PALS2: variants seen among roughly 807,000 people sequenced by gnomAD.
PALS2 encodes the protein protein associated with LIN7 2, MAGUK p55 family member, also known as protein PALS2.
A neutral mutation model predicts 61.6 loss-of-function variants in PALS2; 27 were observed. That is an observed-to-expected ratio of 0.44 (90% CI 0.32 to 0.60). The LOEUF (loss-of-function observed/expected upper bound fraction) is 0.60. Ranked by LOEUF, PALS2 falls within the 20% of genes least tolerant of loss-of-function variation. The pLI is 0.05. For missense variants in PALS2, 554 were observed against 639.4 expected, an observed-to-expected ratio of 0.87 and a Z score of 1.44; for synonymous variants, 236 against 218.6, an observed-to-expected ratio of 1.08 and a Z score of -0.70.
chr7:24,579,264 A>T (rs760376993), intron 1 of PALS2, among the ~76,000 whole-genome samples: 1 of 152,244 alleles, frequency 6.6e-6, no homozygotes, highest in Non-Finnish European at 1.5e-5. Flanking sequence ...ATGTTTGATA[A>T]TACTTTTGAA....
chr7:24,624,294 A>G (rs560939060), intron 2 of PALS2: 7 of 288,698 alleles, frequency 2.4e-5, no homozygotes, highest in African/African-American at 1.6e-4. Context: ...CTTTACAACC[A>G]TTTTTATTAA....
chr7:24,627,363 G>C (rs974176966), intron 2 of PALS2, among the ~76,000 whole-genome samples: 1 of 152,198 alleles, frequency 6.6e-6, no homozygotes, highest in Non-Finnish European at 1.5e-5. Flanking sequence ...AGCTAAAGCA[G>C]TGTTTAGAGG....
At chr7:24,662,304 T>C (rs920796688) in intron 5 of PALS2, among the ~76,000 whole-genome samples, 1 of 152,220 alleles carries the variant, frequency 6.6e-6, no homozygotes, top group African/African-American at 2.4e-5. Context: ...ACTTGTGTTA[T>C]TTGAATTTTG....
intron 1 of PALS2, among the ~76,000 whole-genome samples, chr7:24,576,563 T>C (rs1042169607): frequency 3.8e-4 from 58 of 152,212 alleles, no homozygotes; most frequent in African/African-American, 1.4e-3. Context: ...CAGTCTACTG[T>C]TAAGTGGTCT....
intron 1 of PALS2, among the ~76,000 whole-genome samples, chr7:24,615,870 G>T (rs1784277671): frequency 6.6e-6 from 1 of 151,972 alleles, no homozygotes; most frequent in East Asian, 1.9e-4. Flanking sequence ...ATGATCAAGT[G>T]GGATTACAGG....
intron 9 of PALS2, among the ~76,000 whole-genome samples, chr7:24,671,087 T>A (rs577252663): frequency 7.9e-5 from 12 of 152,222 alleles, no homozygotes; most frequent in Non-Finnish European, 1.6e-4. Flanking sequence ...GTTTAGCCTT[T>A]AGAAGAACTT....
intron 1 of PALS2, among the ~76,000 whole-genome samples, chr7:24,609,305 C>T (rs1260570303): frequency 2.0e-5 from 3 of 152,168 alleles, no homozygotes; most frequent in African/African-American, 7.2e-5. Flanking sequence ...TGGTCAGGCA[C>T]TGAGTAAGTG....
intron 2 of PALS2, among the ~76,000 whole-genome samples, chr7:24,638,266 T>C (rs944160828): frequency 6.6e-6 from 1 of 151,080 alleles, no homozygotes; most frequent in Non-Finnish European, 1.5e-5. Flanking sequence ...TGTTAATATA[T>C]TTATAGCTAC....
At chr7:24,632,081 C>G (rs183769023) in intron 2 of PALS2, among the ~76,000 whole-genome samples, 8 of 152,280 alleles carry the variant, frequency 5.3e-5, no homozygotes, top group African/African-American at 1.9e-4. Flanking sequence ...TAACCTATCT[C>G]TTTTTGCAGT....
chr7:24,677,947 G>T (rs1584000190), intron 9 of PALS2, among the ~76,000 whole-genome samples: 2 of 152,222 alleles, frequency 1.3e-5, no homozygotes, highest in East Asian at 3.9e-4. Context: ...AGTTTTCTAT[G>T]TCTTAGGCTT....
intron 1 of PALS2, among the ~76,000 whole-genome samples, chr7:24,593,916 C>G (rs745554731): frequency 1.3e-5 from 2 of 152,112 alleles, no homozygotes; most frequent in African/African-American, 2.4e-5. Context: ...AAGAGTCAGA[C>G]TGTCCTTTCA....
At chr7:24,656,875 C>A (rs548150785) in intron 5 of PALS2, among the ~76,000 whole-genome samples, 1 of 152,240 alleles carries the variant, frequency 6.6e-6, no homozygotes, top group East Asian at 1.9e-4. Flanking sequence ...CCTCCTACTC[C>A]CTTTCTCTCT....
chr7:24,573,965 C>G lies in PALS2; in HGVS notation c.-3+372C>G, dbSNP rs1782551788. On this transcript the variant is annotated intron_variant, in intron 1 of 11. Coordinates refer to ENST00000222644, the MANE Select transcript of PALS2 (RefSeq NM_001303037.2). This position sits in a 1 kb window ranked among gnomAD's most constrained non-coding sequence, Gnocchi z 5.3. The stretch of plus-strand genomic sequence containing the variant: ...CCGACTGGGGCTAGGGCCGCAGACG[C>G]GCGGGGCCCCTTCGGGCGCGGGGCT... 6.6e-6 allele frequency: 1 copy of G among 152,190 alleles called. No homozygotes were observed. Among genetic ancestry groups the G allele is most frequent in the African/African-American group, 2.4e-5 (1 of 41,402 alleles). The allele number at this position is 152,190 out of a possible 1,614,324, so 9.4% of individuals were successfully genotyped here. A position where few individuals can be genotyped will look rare whatever the true frequency, so the allele number is the denominator to read the frequency against.
intron 5 of PALS2, among the ~76,000 whole-genome samples, chr7:24,662,793 A>AAAAAAAG (rs1786800616): frequency 7.8e-6 from 1 of 127,782 alleles, no homozygotes; most frequent in Non-Finnish European, 1.7e-5. Context: ...AAAAAAAAAA[A>AAAAAAAG]AAAGAAAGAA....
intron 2 of PALS2, among the ~76,000 whole-genome samples, chr7:24,624,605 C>CTTCTTTTTTTTTTTTTTTTT (rs1554302487): frequency 5.8e-5 from 5 of 86,356 alleles, no homozygotes; most frequent in East Asian, 1.1e-3. Context: ...GCAGATTCTT[C>CTTCTTTTTTTTTTTTTTTTT]TTTTTTTTTT....
In PALS2 at chr7:24,680,322, T is replaced by C. The variant is rs116607414; in HGVS notation, c.1318-70T>C. ...GAACAAGTGCAAACAGCCTTTGATA[T>C]ATACTAAAGGGTAGCAGAATTCTAG... On this transcript the variant is annotated intron_variant, in intron 10 of 11. Transcript: ENST00000222644. 2,409 of 1,482,466 alleles carry C rather than the reference T, an allele frequency of 1.6e-3. 22 individuals carry two copies. In the African/African-American group the frequency reaches 0.029, roughly 18 times the overall value. 91.8% of individuals were successfully genotyped at this position (1,482,466 alleles called of 1,614,324 possible).
At chr7:24,680,835 A>G (rs572781491) in intron 11 of PALS2, among the ~76,000 whole-genome samples, 6 of 152,284 alleles carry the variant, frequency 3.9e-5, no homozygotes, top group South Asian at 4.1e-4. Flanking sequence ...ACCTCAGGCA[A>G]TCTGCCCACC....
chr7:24,624,251 T>G (rs1227163958), intron 2 of PALS2: 2 of 576,670 alleles, frequency 3.5e-6, no homozygotes, highest in African/African-American at 4.0e-5. Context: ...TAGTCAACTC[T>G]GGAGTAATCT....
At chr7:24,611,746 A>G (rs762318770) in intron 1 of PALS2, among the ~76,000 whole-genome samples, 8 of 151,956 alleles carry the variant, frequency 5.3e-5, no homozygotes, top group Non-Finnish European at 7.4e-5. Context: ...TAGGTATGCA[A>G]AGATGGTTGT....
Sources: gnomAD v4.1 joint callset for allele counts (sites outside exome capture counted in the v4.1 genomes callset) on GRCh38, gnomAD v4.1.1 for gene constraint, Gnocchi (gnomAD v3.1) non-coding constraint, MANE v1.5 for transcripts, NCBI Gene and HGNC (gene_info 2026-07-23, HGNC 2026-07-21) for gene names.